The following DLGAP1 variants were observed in gnomAD, a reference collection of about 807,000 sequenced individuals.
DLGAP1 encodes disks large-associated protein 1.
DLGAP1 carries 11 observed loss-of-function variants against 90.8 expected under a neutral mutation model. The observed-to-expected ratio is 0.12, with a 90% CI of 0.08 to 0.20. The LOEUF is 0.20. Ranked by LOEUF, DLGAP1 falls within the 10% of genes least tolerant of loss-of-function variation. DLGAP1 has a pLI of 1.00. For synonymous variants in DLGAP1, 558 were observed against 540.7 expected, an observed-to-expected ratio of 1.03 and a Z score of -0.44; for missense variants, 1,050 against 1,333.8, an observed-to-expected ratio of 0.79 and a Z score of 3.31.
chr18:3,597,091 C>CT lies in DLGAP1; in HGVS notation c.1592-14844dup, dbSNP rs760261950. ...TTCATTCTTTTCACTCCTCGTTACT[C>CT]TTTTTTTTTTCACTCTCAGCCCACA... On this transcript the variant is annotated intron_variant, in intron 7 of 12. Coordinates refer to ENST00000315677, the MANE Select transcript of DLGAP1 (RefSeq NM_004746.4). The CT allele has an allele frequency of 6.5e-4, 325 of 496,834 alleles. 2 individuals are homozygous for CT. The highest frequency in any genetic ancestry group is 4.4e-3 in the East Asian group (76 of 17,312). The allele number at this position is 496,834 out of a possible 1,614,324, so 30.8% of individuals were successfully genotyped here.
chr18:3,643,305 G>A (rs2059004018), intron 7 of DLGAP1, among the ~76,000 whole-genome samples: 1 of 152,044 alleles, frequency 6.6e-6, no homozygotes, highest in Admixed American at 6.6e-5. Flanking sequence ...CAAAACCAAA[G>A]GGGTATTCTC....
intron 2 of DLGAP1, among the ~76,000 whole-genome samples, chr18:4,138,950 C>T (rs1029078858): frequency 8.6e-5 from 13 of 151,880 alleles, no homozygotes; most frequent in African/African-American, 2.4e-4. Flanking sequence ...TAGTCTCTAA[C>T]GATCCTTTAA....
chr18:4,038,476 G>A (rs1432521586), intron 2 of DLGAP1, among the ~76,000 whole-genome samples: 1 of 152,062 alleles, frequency 6.6e-6, no homozygotes, highest in Admixed American at 6.5e-5. Flanking sequence ...ACCGCTTGCA[G>A]ATAGTTCTGT....
At chr18:4,332,491 A>G (rs1221459413) in intron 1 of DLGAP1, among the ~76,000 whole-genome samples, 2 of 151,694 alleles carry the variant, frequency 1.3e-5, no homozygotes, top group African/African-American at 2.4e-5. Context: ...AACACATGTT[A>G]ATGATAGTAA....
intron 1 of DLGAP1, among the ~76,000 whole-genome samples, chr18:4,351,959 C>G (rs1248059342): frequency 6.6e-6 from 1 of 152,150 alleles, no homozygotes; most frequent in African/African-American, 2.4e-5. Flanking sequence ...CACGGATTGC[C>G]TTATCACACT....
intron 5 of DLGAP1, among the ~76,000 whole-genome samples, chr18:3,780,484 C>T (rs943101609): frequency 6.6e-6 from 1 of 151,784 alleles, no homozygotes. Flanking sequence ...GCCTCTTCCT[C>T]CATATGCAAA....
chr18:4,333,159 G>C (rs1292634481), intron 1 of DLGAP1, among the ~76,000 whole-genome samples: 2 of 151,976 alleles, frequency 1.3e-5, no homozygotes, highest in Non-Finnish European at 2.9e-5. Flanking sequence ...TGAGCAGTTT[G>C]TCTGGCCTGG....
At chr18:3,958,622 CAAAAAA>C (rs11342881) in intron 3 of DLGAP1, among the ~76,000 whole-genome samples, 8 of 123,548 alleles carry the variant, frequency 6.5e-5, no homozygotes, top group South Asian at 2.6e-4. Context: ...ATCCTCTTTA[CAAAAAA>C]AAAAAAAAAA....
At chr18:3,980,777 G>T (rs1193614719) in intron 3 of DLGAP1, among the ~76,000 whole-genome samples, 1 of 151,952 alleles carries the variant, frequency 6.6e-6, no homozygotes, top group Non-Finnish European at 1.5e-5. Context: ...TATATTTGTG[G>T]TATACAACAT....
intron 4 of DLGAP1, among the ~76,000 whole-genome samples, chr18:3,832,425 T>A (rs1305544310): frequency 6.6e-6 from 1 of 152,202 alleles, no homozygotes; most frequent in Non-Finnish European, 1.5e-5. Context: ...CTAGTAACGA[T>A]GCTGGCTTTC....
rs1021875550 is a variant in DLGAP1 at position 4,011,372 on chromosome 18, G to C, written c.-158-6171C>G. On this transcript the variant is annotated intron_variant, in intron 2 of 12. Transcript: ENST00000315677. The stretch of plus-strand genomic sequence containing the variant: ...AAGCCTTCCCAGAAGACTTGATGTA[G>C]GTAAAAGGCTGTTTAGAAACTTTCT... Among the ~76,000 whole-genome samples, 9 of 152,104 alleles carry C rather than the reference G, an allele frequency of 5.9e-5. No individual in the cohort carries two copies. In the South Asian group the frequency reaches 8.3e-4, roughly 14 times the overall value.
intron 2 of DLGAP1, among the ~76,000 whole-genome samples, chr18:4,107,670 C>T (rs2075893895): frequency 6.6e-6 from 1 of 151,936 alleles, no homozygotes; most frequent in Non-Finnish European, 1.5e-5. Context: ...TATTTCTTAA[C>T]AAAGCTGTTA....
At chr18:4,056,331 C>A (rs1295275123) in intron 2 of DLGAP1, among the ~76,000 whole-genome samples, 2 of 152,188 alleles carry the variant, frequency 1.3e-5, no homozygotes, top group African/African-American at 4.8e-5. Flanking sequence ...GCTAGCTGTG[C>A]CTGTCTTCAT....
intron 2 of DLGAP1, among the ~76,000 whole-genome samples, chr18:4,119,139 T>TGCAGGTCC (rs2076111947): frequency 6.6e-6 from 1 of 152,192 alleles, no homozygotes; most frequent in Non-Finnish European, 1.5e-5. Flanking sequence ...TGGTCCAGGC[T>TGCAGGTCC]AGAGTGCAGT....
intron 7 of DLGAP1, among the ~76,000 whole-genome samples, chr18:3,691,369 A>G (rs1395852398): frequency 6.6e-6 from 1 of 151,798 alleles, no homozygotes; most frequent in Non-Finnish European, 1.5e-5. Context: ...TGGAGGTTGC[A>G]GTGAGCTACA....
chr18:4,297,680 G>T (rs2080016502), intron 1 of DLGAP1, among the ~76,000 whole-genome samples: 1 of 152,090 alleles, frequency 6.6e-6, no homozygotes, highest in African/African-American at 2.4e-5. Flanking sequence ...CTGGAGACAA[G>T]GCTCTCTCCT....
chr18:3,961,064 C>T (rs368138950), intron 3 of DLGAP1, among the ~76,000 whole-genome samples: 1 of 152,168 alleles, frequency 6.6e-6, no homozygotes, highest in Non-Finnish European at 1.5e-5. Flanking sequence ...GGGGGCATCA[C>T]CCAGAACTAC....
chr18:4,291,598 A>G (rs1327309499), intron 1 of DLGAP1, among the ~76,000 whole-genome samples: 1 of 152,172 alleles, frequency 6.6e-6, no homozygotes, highest in Non-Finnish European at 1.5e-5. Context: ...ATACACACAT[A>G]TATTTTTAAT....
intron 6 of DLGAP1, among the ~76,000 whole-genome samples, chr18:3,734,357 A>C (rs938651196): frequency 1.3e-5 from 2 of 151,992 alleles, no homozygotes; most frequent in Non-Finnish European, 2.9e-5. Flanking sequence ...GGCTCAAGCT[A>C]TCCTCTGGCC....
Sources: gnomAD v4.1 joint callset for allele counts (sites outside exome capture counted in the v4.1 genomes callset) on GRCh38, gnomAD v4.1.1 for gene constraint, MANE v1.5 for transcripts, NCBI Gene and HGNC (gene_info 2026-07-23, HGNC 2026-07-21) for gene names.